Variants in ABCA1 observed in about 807,000 individuals in gnomAD.
The protein encoded by ABCA1 is ATP binding cassette subfamily A member 1.
ABCA1 carries 133 observed loss-of-function variants against 262.5 expected under a neutral mutation model. The ratio of observed to expected loss-of-function variants is 0.51; its 90% CI spans 0.44 to 0.59. The LOEUF (loss-of-function observed/expected upper bound fraction) is 0.59. Among genes scored for constraint, ABCA1 ranks in the 20% least tolerant of loss-of-function variants. The probability of loss-of-function intolerance (pLI) is 0.00; values close to 1 mark genes in which losing one functional copy is unlikely to be tolerated. For missense variants in ABCA1, 2,452 were observed against 2,777.5 expected, an observed-to-expected ratio of 0.88 and a Z score of 2.63; for synonymous variants, 1,022 against 1,043.5, an observed-to-expected ratio of 0.98 and a Z score of 0.40.
chr9:104,881,786 C>T (rs765606095), intron 5 of ABCA1, among the ~76,000 whole-genome samples: 24 of 151,998 alleles, frequency 1.6e-4, no homozygotes, highest in Non-Finnish European at 2.5e-4. Flanking sequence ...GTCTCCTGCA[C>T]CAGAAGAAAC....
At chr9:104,813,667 C>G (rs1831477862) in intron 27 of ABCA1, among the ~76,000 whole-genome samples, 1 of 152,192 alleles carries the variant, frequency 6.6e-6, no homozygotes, top group African/African-American at 2.4e-5. Flanking sequence ...CCCACCTCAG[C>G]CTCTCAAAGC....
At chr9:104,845,410 G>T in intron 8 of ABCA1, 67 bp downstream of exon 8, 1 of 1,159,860 alleles carries the variant, frequency 8.6e-7, no homozygotes, top group South Asian at 1.2e-5. Context: ...CCTCTTGCCA[G>T]ACTCAGGAAT....
At chr9:104,890,069 G>A (rs1226843885) in intron 2 of ABCA1, among the ~76,000 whole-genome samples, 1 of 152,168 alleles carries the variant, frequency 6.6e-6, no homozygotes, top group Non-Finnish European at 1.5e-5. Flanking sequence ...AGCCAGTAGT[G>A]TTCAGACAAC....
chr9:104,857,146 A>G (rs927553349), intron 7 of ABCA1, among the ~76,000 whole-genome samples: 1 of 152,164 alleles, frequency 6.6e-6, no homozygotes, highest in Admixed American at 6.5e-5. Flanking sequence ...TCTACTAAAA[A>G]TACAAAAAAT....
chr9:104,860,755 C>CTTTTTTTTTT (rs762423202), intron 6 of ABCA1, among the ~76,000 whole-genome samples: 2 of 115,864 alleles, frequency 1.7e-5, no homozygotes, highest in Non-Finnish European at 1.7e-5. Flanking sequence ...TTATAAAATT[C>CTTTTTTTTTT]TTTTTTTTTT....
At chr9:104,809,289 T>C (rs1026505232) in intron 30 of ABCA1, among the ~76,000 whole-genome samples, 177 bp downstream of exon 30, 1 of 152,226 alleles carries the variant, frequency 6.6e-6, no homozygotes, top group Non-Finnish European at 1.5e-5. Context: ...CAAACGTTTG[T>C]TCCTAGATAA....
At chr9:104,847,305 ACT>A (rs1220826092) in intron 7 of ABCA1, among the ~76,000 whole-genome samples, 1 of 152,104 alleles carries the variant, frequency 6.6e-6, no homozygotes, top group East Asian at 1.9e-4. Flanking sequence ...TGGGCAAATG[ACT>A]CAAATTCCCC....
chr9:104,927,255 T>G (rs1288295126), intron 1 of ABCA1, among the ~76,000 whole-genome samples: 1 of 151,344 alleles, frequency 6.6e-6, no homozygotes, highest in Non-Finnish European at 1.5e-5. Flanking sequence ...GTCCGCGCTC[T>G]GCGCCAGGGA....
chr9:104,855,967 C>T (rs781634457), intron 7 of ABCA1: 20 of 1,612,890 alleles, frequency 1.2e-5, no homozygotes, highest in Non-Finnish European at 1.7e-5. Flanking sequence ...TACAGAAGCA[C>T]ATATTGAAAG....
At chr9:104,923,532 G>A (rs1842261944) in intron 1 of ABCA1, among the ~76,000 whole-genome samples, 4 of 152,190 alleles carry the variant, frequency 2.6e-5, no homozygotes, top group Admixed American at 2.6e-4. Flanking sequence ...TTCTGATAAG[G>A]ATTATAGCAG....
intron 15 of ABCA1, 22 bp from the exon 16 acceptor site, chr9:104,827,191 A>C (rs1832881621): frequency 6.3e-7 from 1 of 1,594,368 alleles, no homozygotes; most frequent in Non-Finnish European, 8.6e-7. Context: ...GAGACACATC[A>C]AATGTGCTGC....
At chr9:104,857,189 A>C (rs1234959745) in intron 7 of ABCA1, among the ~76,000 whole-genome samples, 1 of 152,218 alleles carries the variant, frequency 6.6e-6, no homozygotes, top group South Asian at 2.1e-4. Flanking sequence ...CTGTAGTCCC[A>C]GGTACTCGGA....
At chr9:104,838,901 G>A (rs1235095112) in intron 9 of ABCA1, among the ~76,000 whole-genome samples, 2 of 151,938 alleles carry the variant, frequency 1.3e-5, no homozygotes, top group Non-Finnish European at 2.9e-5. Flanking sequence ...CTGGGGGAGA[G>A]GAGGAGATGG....
intron 7 of ABCA1, among the ~76,000 whole-genome samples, chr9:104,847,871 T>C (rs113337137): frequency 0.022 from 3,383 of 152,338 alleles, 105 homozygotes; most frequent in African/African-American, 0.065. Flanking sequence ...AGGTTGTGTA[T>C]AGATATACTA....
chr9:104,841,003 A>G (rs2515600), intron 8 of ABCA1, among the ~76,000 whole-genome samples: 22,005 of 152,036 alleles, frequency 0.14, 1,869 homozygotes, highest in African/African-American at 0.23. Flanking sequence ...TCGATAACTG[A>G]CTCATTTCTA....
At chr9:104,838,453 CA>C (rs36050540) in intron 9 of ABCA1, among the ~76,000 whole-genome samples, 211 of 137,112 alleles carry the variant, frequency 1.5e-3, no homozygotes, top group Non-Finnish European at 1.5e-3. Context: ...ACTCAAAATA[CA>C]AAAAAAAAAA....
intron 20 of ABCA1, among the ~76,000 whole-genome samples, chr9:104,820,611 C>T (rs563664163): frequency 6.6e-6 from 1 of 152,326 alleles, no homozygotes; most frequent in African/African-American, 2.4e-5. Flanking sequence ...TCTCTCTGCT[C>T]CATCACACGG....
intron 8 of ABCA1, 52 bp from the exon 9 acceptor site, chr9:104,840,571 C>T: frequency 1.9e-6 from 3 of 1,561,178 alleles, no homozygotes; most frequent in African/African-American, 1.4e-5. Context: ...GAGAAAAGGG[C>T]AGTGCAAGGG....
Position 104,913,706 on chromosome 9 carries a change from ATACTATT to A in ABCA1, c.-92-9942_-92-9936del, listed in dbSNP as rs369559447. Among the ~76,000 whole-genome samples, 477 of 152,284 alleles carry A rather than the reference ATACTATT, an allele frequency of 3.1e-3. 1 individual carries two copies. Among genetic ancestry groups the A allele is most frequent in the African/African-American group, 0.011 (454 of 41,548 alleles). ...TCTTGGGGGTCCTCACCACTCACTT[ATACTATT>A]TTCTCTACATTCTCACAGAGGTTGC... On this transcript the variant is annotated intron_variant, in intron 1 of 49. Transcript: ENST00000374736.
Sources: allele counts gnomAD v4.1 joint callset (sites outside exome capture counted in the v4.1 genomes callset), GRCh38; gene constraint gnomAD v4.1.1; transcripts MANE v1.5; gene names NCBI Gene and HGNC (gene_info 2026-07-23, HGNC 2026-07-21).